The following TTC21A variants were observed in gnomAD, a reference collection of about 807,000 sequenced individuals.
TTC21A encodes tetratricopeptide repeat domain 21A.
TTC21A carries 128 observed loss-of-function variants against 156.4 expected under a neutral mutation model. The observed-to-expected ratio is 0.82, with a 90% CI of 0.71 to 0.95. The LOEUF (loss-of-function observed/expected upper bound fraction) is 0.95. Among genes scored for constraint, TTC21A ranks in the 40% least tolerant of loss-of-function variants. TTC21A has a pLI of 0.00. For synonymous variants in TTC21A, 587 were observed against 617.1 expected (o/e 0.95, Z 0.72); for missense variants, 1,435 against 1,602.3 (o/e 0.90, Z 1.78).
rs150842250 is a variant in TTC21A, at chr3:39,130,925, C to G, written c.2459-67C>G. 1 of 1,605,564 alleles carries G rather than the reference C, an allele frequency of 6.2e-7. No homozygotes were observed. The highest frequency in any genetic ancestry group is 8.5e-7 in the Non-Finnish European group (1 of 1,173,964). On this transcript the variant is annotated intron_variant, in intron 18 of 28. Transcript: ENST00000683103. The surrounding 1 kb of genome is among the most constrained non-coding windows in gnomAD (Gnocchi z 4.5). ...CCATTAGCTGAAGTCCTGATCCCAG[C>G]GCTCCCCACCAACACAGCTTCCCAG...
At chr3:39,123,124 T>C (rs1317063252) in intron 9 of TTC21A, among the ~76,000 whole-genome samples, 2 of 152,122 alleles carry the variant, frequency 1.3e-5, no homozygotes, top group Admixed American at 1.3e-4. Context: ...GAGGCTATTA[T>C]GTCAATAAGT....
At chr3:39,135,821 C>G (rs956270923) in intron 22 of TTC21A, among the ~76,000 whole-genome samples, 2 of 152,076 alleles carry the variant, frequency 1.3e-5, no homozygotes, top group Admixed American at 6.5e-5. Flanking sequence ...TTTGGGAACC[C>G]GAGGCGGGCA....
In TTC21A at chr3:39,134,288, T is replaced by C; in HGVS notation, c.2822T>C (p.Ile941Thr). The C allele has an allele frequency of 1.2e-6, 2 of 1,614,030 alleles. No individual in the cohort carries two copies. The highest frequency in any genetic ancestry group is 2.7e-5 in the African/African-American group (2 of 75,002). The change falls in exon 21 of 29, where the codon ATC becomes ACC. Residue 941 changes from isoleucine (I) to threonine (T), a missense_variant. Transcript: ENST00000683103. The surrounding 1 kb of genome is among the most constrained non-coding windows in gnomAD (Gnocchi z 4.6). ...HLDLCEQHCA[I>T]LLQTEQNHET... ...GACCTGTGTGAGCAGCACTGTGCCATCCTCCTGCAGACTGAGCAGAACCAT... is the reference window on the plus strand; with the variant it reads ...GACCTGTGTGAGCAGCACTGTGCCACCCTCCTGCAGACTGAGCAGAACCAT...
chr3:39,129,541 C>T (rs938941311), intron 15 of TTC21A, among the ~76,000 whole-genome samples: 1 of 152,228 alleles, frequency 6.6e-6, no homozygotes, highest in Admixed American at 6.5e-5. Flanking sequence ...TTGCCTCCCC[C>T]TCACCTGCTT....
intron 4 of TTC21A, 93 bp from the exon 5 acceptor site, chr3:39,112,365 A>C: frequency 7.2e-7 from 1 of 1,384,906 alleles, no homozygotes; most frequent in Middle Eastern, 1.8e-4. Flanking sequence ...GCAGGGCCTC[A>C]GGGTTTTGGG....
intron 26 of TTC21A, 57 bp downstream of exon 26, chr3:39,137,767 C>G: frequency 6.5e-7 from 1 of 1,533,784 alleles, no homozygotes; most frequent in East Asian, 2.4e-5. Context: ...TCTAGGCATT[C>G]CAGGAAGGTG....
At position 39,133,212 on chromosome 3, in the gene TTC21A, T is replaced by C. The variant is rs777692946; in HGVS notation, c.2723T>C (p.Val908Ala). ...AAGGCGGTACAGTCTTATAAGGATGTCTTCTCCTACTTGCCAACTGACAAT... is the reference window on the plus strand; with the variant it reads ...AAGGCGGTACAGTCTTATAAGGATGCCTTCTCCTACTTGCCAACTGACAAT... ...YDKAVQSYKD[V>A]FSYLPTDNKV... The change falls in exon 20 of 29, where the codon GTC becomes GCC. Residue 908 changes from valine (V) to alanine (A), a missense_variant. Physicochemically the swap from Val to Ala is moderately conservative, Grantham distance 64. Coordinates refer to ENST00000683103, the MANE Select transcript of TTC21A (RefSeq NM_001366900.1). 3.5e-5 allele frequency: 56 copies of C among 1,613,708 alleles called. No homozygotes were observed. The Admixed American group carries it at 9.4e-4, about 27-fold the overall frequency.
Position 39,107,774 on chromosome 3 carries a change from G to A in TTC21A, c.-64G>A, listed in dbSNP as rs924164900. ...GCCGCGATAGAGTGCCCACGACCCT[G>A]CCTCGGGAATCCCGCTCTGCACCGC... On this transcript the variant is annotated 5_prime_UTR_variant, in exon 1 of 29. Coordinates refer to ENST00000683103, the MANE Select transcript of TTC21A (RefSeq NM_001366900.1). 1.2e-6 allele frequency: 2 copies of A among 1,608,158 alleles called. No homozygotes were observed. The highest frequency in any genetic ancestry group is 2.7e-5 in the African/African-American group (2 of 74,890).
intron 22 of TTC21A, 43 bp from the exon 23 acceptor site, chr3:39,136,313 GC>G: frequency 6.3e-7 from 1 of 1,584,740 alleles, no homozygotes; most frequent in South Asian, 1.2e-5. Context: ...TCTGATAACA[GC>G]TACTGGGCAT....
In TTC21A at chr3:39,130,772, G is replaced by C; in HGVS notation, c.2391G>C (p.Leu797=). The C allele has an allele frequency of 6.2e-7, 1 of 1,614,216 alleles. No individual in the cohort carries two copies. Among genetic ancestry groups the C allele is most frequent in the Non-Finnish European group, 8.5e-7 (1 of 1,180,032 alleles). ...QDFLCCDLGK[L]LLKLKKVNKA... ...TTCTGTGCTGCGATCTGGGCAAACT[G>C]CTCCTGAAGTTAAAGAAGGTCAATA... is the stretch of plus-strand genomic sequence containing the variant. Residue 797 remains leucine (L), a synonymous_variant, in exon 18 of 29, where the codon CTG becomes CTC. Coordinates refer to ENST00000683103, the MANE Select transcript of TTC21A (RefSeq NM_001366900.1). This position sits in a 1 kb window ranked among gnomAD's most constrained non-coding sequence, Gnocchi z 4.5.
rs777183847 is a variant in TTC21A at position 39,133,057 on chromosome 3, G to C, written c.2568G>C (p.Leu856Phe). The C allele has an allele frequency of 2.5e-6, 4 of 1,614,038 alleles. No homozygotes were observed. The highest frequency in any genetic ancestry group is 1.7e-5 in the Admixed American group (1 of 60,002). The change falls in exon 20 of 29, where the codon TTG becomes TTC. Residue 856 changes from leucine (L) to phenylalanine (F), a missense_variant. Physicochemically the swap from Leu to Phe is conservative, Grantham distance 22. Coordinates refer to ENST00000683103, the MANE Select transcript of TTC21A (RefSeq NM_001366900.1). ...GGCTTGATTGGTTTCTCGAGGCCTT[G>C]GACCTCCAGTCTCGGATACTGAAGC... Reference protein sequence around the residue: ...EAVIETLNKALDLQSRILKRV... With the variant: ...EAVIETLNKAFDLQSRILKRV...
At position 39,135,134 on chromosome 3, in the gene TTC21A, G is replaced by A. The variant is rs141862733; in HGVS notation, c.2904G>A (p.Ala968=). The change falls in exon 22 of 29, where the codon GCG becomes GCA. Residue 968 remains alanine (A), a synonymous_variant. Transcript: ENST00000683103. ...TGTTTAGAAAACAGAAACATGAAGC[G>A]GCCATCAATCTTTACCACCAAGTCT... ...DLMFRKQKHE[A]AINLYHQVLE... 5,057 of 1,614,002 alleles carry A rather than the reference G, an allele frequency of 3.1e-3. 14 individuals are homozygous for A. Among genetic ancestry groups the A allele is most frequent in the Admixed American group, 3.8e-3 (228 of 59,998 alleles).
Position 39,121,033 on chromosome 3 carries a change from A to T in TTC21A, c.937A>T (p.Ser313Cys). 6.2e-7 allele frequency: 1 copy of T among 1,613,076 alleles called. No individual in the cohort carries two copies. The highest frequency in any genetic ancestry group is 8.5e-7 in the Non-Finnish European group (1 of 1,179,404). The change falls in exon 9 of 29, where the codon AGT (serine) becomes TGT (cysteine). Residue 313 changes from serine (S) to cysteine (C), a missense_variant. Ser to Cys is a moderately radical substitution (Grantham distance 112). Transcript: ENST00000683103. ...SHQVILGLVC[S>C]FIERTFMATP... ...CCAGGTGATTCTAGGGCTAGTGTGT[A>T]GTTTCATCGAGCGCACCTTCATGGC...
chr3:39,107,952 C>A, intron 1 of TTC21A, 88 bp downstream of exon 1: 1 of 1,500,562 alleles, frequency 6.7e-7, no homozygotes, highest in Non-Finnish European at 9.2e-7. Context: ...CTCCTGCCAC[C>A]CTTCGCTGTC....
intron 13 of TTC21A, 108 bp from the exon 14 acceptor site, chr3:39,128,609 C>A (rs1487637251): frequency 6.4e-7 from 1 of 1,557,064 alleles, no homozygotes; most frequent in African/African-American, 1.4e-5. Context: ...CGTCCAAAGG[C>A]AGGGGTAGGC....
intron 22 of TTC21A, chr3:39,136,057 C>CAA (rs57239506): frequency 8.0e-4 from 77 of 96,368 alleles, no homozygotes; most frequent in Middle Eastern, 9.1e-3. Flanking sequence ...GACTCCGTCT[C>CAA]AAAAAAAAAA....
chr3:39,136,596 C>A, intron 23 of TTC21A, 89 bp downstream of exon 23: 1 of 1,481,090 alleles, frequency 6.8e-7, no homozygotes, highest in Non-Finnish European at 9.1e-7. Context: ...ACAAAAGGAG[C>A]AGAAATTCTG....
chr3:39,114,715 G>T lies in TTC21A; in HGVS notation c.689G>T (p.Trp230Leu), dbSNP rs1474732855. The T allele has an allele frequency of 6.2e-7, 1 of 1,614,248 alleles. No individual in the cohort carries two copies. Among genetic ancestry groups the T allele is most frequent in the East Asian group, 2.2e-5 (1 of 44,890 alleles). The change falls in exon 6 of 29, where the codon TGG becomes TTG. Residue 230 changes from tryptophan to leucine, a missense_variant. Physicochemically the swap from Trp to Leu is moderately conservative, Grantham distance 61. Transcript: ENST00000683103. ...KMQLFLARQD[W>L]EQTVEMGHRI... ...CAGCTGTTCTTAGCTCGGCAGGACT[G>T]GGAGCAGACAGTAGAAATGGGACAC...
At chr3:39,125,306 C>T in intron 10 of TTC21A, 26 bp from the exon 11 acceptor site, 1 of 1,610,074 alleles carries the variant, frequency 6.2e-7, no homozygotes, top group Non-Finnish European at 8.5e-7. Flanking sequence ...GACATTGGCA[C>T]TGAGACTCGG....
Sources: gnomAD v4.1 joint callset for allele counts (sites outside exome capture counted in the v4.1 genomes callset) on GRCh38, gnomAD v4.1.1 for gene constraint, Gnocchi (gnomAD v3.1) non-coding constraint, MANE v1.5 for transcripts, NCBI Gene and HGNC (gene_info 2026-07-23, HGNC 2026-07-21) for gene names.